Variants in ZNF420 observed in about 807,000 individuals in gnomAD.
ZNF420 encodes the protein ATM and p53-associated KZNF protein.
In ZNF420, 31 loss-of-function variants were observed where a neutral mutation model predicts 44.7. The ratio of observed to expected loss-of-function variants is 0.69; its 90% CI spans 0.52 to 0.94. ZNF420 has a LOEUF of 0.94. ZNF420 is among the 40% of genes least tolerant of loss of function. ZNF420 has a pLI of 0.00. For synonymous variants in ZNF420, 245 were observed against 267.4 expected (o/e 0.92, Z 0.82); for missense variants, 681 against 827.9 (o/e 0.82, Z 2.18).
At chr19:37,020,565 C>T (rs967201444) in intron 1 of ZNF420, among the ~76,000 whole-genome samples, 6 of 152,282 alleles carry the variant, frequency 3.9e-5, no homozygotes, top group East Asian at 1.9e-4. Flanking sequence ...AGCTGCTTTT[C>T]GTGTTTGTTT....
chr19:37,056,795 G>A (rs1270110111), intron 1 of ZNF420, among the ~76,000 whole-genome samples: 1 of 152,234 alleles, frequency 6.6e-6, no homozygotes, highest in East Asian at 1.9e-4. Flanking sequence ...GTAGGAGTTG[G>A]CTCAAGGAGG....
chr19:37,026,412 T>C (rs10424411), intron 1 of ZNF420, among the ~76,000 whole-genome samples: 80,935 of 150,370 alleles, frequency 0.54, 22,705 homozygotes, highest in African/African-American at 0.69. Flanking sequence ...CTCCGCCTCC[T>C]GGGTTCAAGC....
intron 1 of ZNF420, among the ~76,000 whole-genome samples, chr19:37,056,953 C>T (rs1442808105): frequency 6.6e-6 from 1 of 152,266 alleles, no homozygotes; most frequent in East Asian, 1.9e-4. Flanking sequence ...CTTAAAGGGG[C>T]TTCAGCCTGA....
At chr19:37,026,880 T>TA (rs1409743367) in intron 1 of ZNF420, among the ~76,000 whole-genome samples, 1 of 152,198 alleles carries the variant, frequency 6.6e-6, no homozygotes, top group Non-Finnish European at 1.5e-5. Context: ...TATTAGTCAA[T>TA]ACCCTAAGAA....
At chr19:37,070,372 G>A (rs907266835) in intron 1 of ZNF420, among the ~76,000 whole-genome samples, 1 of 151,978 alleles carries the variant, frequency 6.6e-6, no homozygotes, top group African/African-American at 2.4e-5. Flanking sequence ...ATATAGAGAA[G>A]GATTTCTTAA....
At chr19:37,037,658 G>A (rs1158057801) in intron 1 of ZNF420, among the ~76,000 whole-genome samples, 1 of 152,186 alleles carries the variant, frequency 6.6e-6, no homozygotes, top group Non-Finnish European at 1.5e-5. Flanking sequence ...AGACTTTCCG[G>A]AGACTCTCAG....
chr19:37,014,545 G>A (rs1464675523), intron 1 of ZNF420, among the ~76,000 whole-genome samples: 2 of 152,180 alleles, frequency 1.3e-5, no homozygotes, highest in African/African-American at 4.8e-5. Context: ...AGGACTCTTA[G>A]GGTCCTGCGC....
Position 37,129,882 on chromosome 19 carries a change from CTT to C in ZNF420, c.*825_*826del. On this transcript the variant is annotated 3_prime_UTR_variant, in exon 5 of 5. Coordinates refer to ENST00000337995, the MANE Select transcript of ZNF420 (RefSeq NM_144689.5). The stretch of plus-strand genomic sequence containing the variant: ...AATAAATCTAGGAATTTTTTAAAAA[CTT>C]GAATGTATTGCTTTTGAAGTAAACA... 9.3e-7 allele frequency: 1 copy of C among 1,078,534 alleles called. No homozygotes were observed. Among genetic ancestry groups the C allele is most frequent in the East Asian group, 2.9e-5 (1 of 33,948 alleles). The allele number at this position is 1,078,534 out of a possible 1,614,324, so 66.8% of individuals were successfully genotyped here.
intron 1 of ZNF420, among the ~76,000 whole-genome samples, chr19:37,011,407 T>C (rs1568417402): frequency 6.6e-6 from 1 of 152,184 alleles, no homozygotes; most frequent in Admixed American, 6.5e-5. Flanking sequence ...TGTTTCATTC[T>C]TGAGGGACAT....
At chr19:37,087,402 G>T (rs1280761532) in intron 2 of ZNF420, among the ~76,000 whole-genome samples, 1 of 151,858 alleles carries the variant, frequency 6.6e-6, no homozygotes, top group Non-Finnish European at 1.5e-5. Context: ...GCTCTCTGAT[G>T]AATTTAAAAG....
At chr19:37,124,846 GT>G (rs200686040) in intron 4 of ZNF420, among the ~76,000 whole-genome samples, 4 of 149,950 alleles carry the variant, frequency 2.7e-5, no homozygotes, top group South Asian at 4.3e-4. Flanking sequence ...TTTGTATTTT[GT>G]TTTTTTTGAG....
At chr19:37,104,258 A>G (rs940332328) in intron 4 of ZNF420, among the ~76,000 whole-genome samples, 1 of 149,808 alleles carries the variant, frequency 6.7e-6, no homozygotes, top group Admixed American at 6.8e-5. Context: ...TGTCCTTGAG[A>G]TAGTTTGCTA....
chr19:37,024,156 C>T (rs1395275348), intron 1 of ZNF420, among the ~76,000 whole-genome samples: 2 of 152,174 alleles, frequency 1.3e-5, no homozygotes, highest in African/African-American at 4.8e-5. Context: ...CTACTGATAA[C>T]TCTTTCCACC....
At chr19:37,093,548 A>C (rs1342660854) in intron 4 of ZNF420, among the ~76,000 whole-genome samples, 1 of 152,084 alleles carries the variant, frequency 6.6e-6, no homozygotes, top group Non-Finnish European at 1.5e-5. Flanking sequence ...CAAAGATGGC[A>C]CGAAGCTATT....
intron 1 of ZNF420, among the ~76,000 whole-genome samples, chr19:37,012,762 GTC>G (rs751709589): frequency 0.33 from 18,766 of 56,906 alleles, 1,935 homozygotes; most frequent in African/African-American, 0.46. Flanking sequence ...ACTGCTATAT[GTC>G]TCTGTGTGTG....
intron 1 of ZNF420, among the ~76,000 whole-genome samples, chr19:37,026,347 T>A (rs375062494): frequency 1.2e-3 from 157 of 125,878 alleles, no homozygotes; most frequent in African/African-American, 4.5e-3. Context: ...TGAGAGGGAG[T>A]TTCACTCTTG....
chr19:37,096,441 C>T (rs1381858190), intron 4 of ZNF420, among the ~76,000 whole-genome samples: 1 of 152,040 alleles, frequency 6.6e-6, no homozygotes, highest in Non-Finnish European at 1.5e-5. Flanking sequence ...CTGAAAAGTC[C>T]CTTGTCATTT....
intron 1 of ZNF420, among the ~76,000 whole-genome samples, chr19:37,012,110 G>A (rs533836076): frequency 1.3e-5 from 2 of 152,252 alleles, no homozygotes; most frequent in East Asian, 1.9e-4. Flanking sequence ...CCTAGCAGGC[G>A]CCCTGAAGCT....
At chr19:37,121,320 G>A (rs756458159) in intron 4 of ZNF420, among the ~76,000 whole-genome samples, 4,551 of 143,650 alleles carry the variant, frequency 0.032, 65 homozygotes, top group South Asian at 0.05. Context: ...AAATAATGCC[G>A]CATATCTACA....
Sources: gnomAD v4.1 joint callset for allele counts (sites outside exome capture counted in the v4.1 genomes callset) on GRCh38, gnomAD v4.1.1 for gene constraint, MANE v1.5 for transcripts, NCBI Gene and HGNC (gene_info 2026-07-23, HGNC 2026-07-21) for gene names.